ARHGEF4: variants seen among roughly 807,000 people sequenced by gnomAD.
ARHGEF4 encodes the protein APC-stimulated guanine nucleotide exchange factor 1.
A neutral mutation model predicts 162.0 loss-of-function variants in ARHGEF4; 119 were observed. That is an observed-to-expected ratio of 0.73 (90% CI 0.63 to 0.86). ARHGEF4 has a LOEUF of 0.86. Ranked by LOEUF, ARHGEF4 falls within the 40% of genes least tolerant of loss-of-function variation. The probability of loss-of-function intolerance (pLI) is 0.00; values close to 1 mark genes in which losing one functional copy is unlikely to be tolerated. For missense variants in ARHGEF4, 2,488 were observed against 2,456.0 expected (o/e 1.01, Z -0.28); for synonymous variants, 1,014 against 979.9 (o/e 1.03, Z -0.65).
intron 4 of ARHGEF4, among the ~76,000 whole-genome samples, chr2:130,956,222 C>T (rs528928246): frequency 6.6e-6 from 1 of 152,222 alleles, no homozygotes; most frequent in East Asian, 1.9e-4. Flanking sequence ...TGAAAAAATG[C>T]TCATCATCAC....
In ARHGEF4 at chr2:131,035,952, C is replaced by G. The variant is rs543097330; in HGVS notation, c.4126-2901C>G. ...ACCTCAGAGGCACAGGAGGGGATCC[C>G]GCTCCCTGCCCTGGGCTATTTGAGT... On this transcript the variant is annotated intron_variant, in intron 5 of 13. Coordinates refer to ENST00000409359, the MANE Select transcript of ARHGEF4 (RefSeq NM_001367493.1). 6 of 758,230 alleles carry G rather than the reference C, an allele frequency of 7.9e-6. No homozygotes were observed. The Admixed American group carries it at 2.5e-4, about 32-fold the overall frequency. The allele number at this position is 758,230 out of a possible 1,614,324, so 47.0% of individuals were successfully genotyped here.
chr2:130,915,270 C>T lies in ARHGEF4; in HGVS notation c.1324C>T (p.Leu442Phe). The T allele has an allele frequency of 6.4e-7, 1 of 1,550,598 alleles. No homozygotes were observed. Among genetic ancestry groups the T allele is most frequent in the East Asian group, 2.4e-5 (1 of 40,914 alleles). The change falls in exon 2 of 14, where the codon CTC becomes TTC. Residue 442 changes from leucine to phenylalanine, a missense_variant. Coordinates refer to ENST00000409359, the MANE Select transcript of ARHGEF4 (RefSeq NM_001367493.1). The part of the protein sequence containing the change: ...DSRSCLVASC[L>F]TSELVKLSAE... ...CAGGTCATGTCTGGTGGCTTCATGC[C>T]TCACCTCAGAGTTAGTGAAGCTCAG...
chr2:130,941,066 G>A (rs1246037113), intron 3 of ARHGEF4, among the ~76,000 whole-genome samples: 1 of 152,042 alleles, frequency 6.6e-6, no homozygotes. Flanking sequence ...TGTAGAACAA[G>A]AAGGGAAGAC....
At position 130,937,730 on chromosome 2, in the gene ARHGEF4, C is replaced by T. The variant is rs543877589; in HGVS notation, c.3858+6473C>T. ...TCACCCAGACGGGAGTGCAGTGGTG[C>T]GATCTCGGCTCACTGCAAGCTCTGC... On this transcript the variant is annotated intron_variant, in intron 3 of 13. Transcript: ENST00000409359. Among the ~76,000 whole-genome samples the T allele has an allele frequency of 8.4e-4, 126 of 149,354 alleles. 4 individuals carry two copies. The highest frequency in any genetic ancestry group is 1.5e-3 in the South Asian group (7 of 4,730).
chr2:130,947,892 A>G (rs1683718432), intron 4 of ARHGEF4, among the ~76,000 whole-genome samples: 1 of 152,200 alleles, frequency 6.6e-6, no homozygotes, highest in Non-Finnish European at 1.5e-5. Context: ...CTAAAAGCTC[A>G]TGGCTGCTGG....
At position 131,028,032 on chromosome 2, in the gene ARHGEF4, G is replaced by A; in HGVS notation, c.4073G>A (p.Ser1358Asn). Residue 1358 changes from serine to asparagine, a missense_variant, in exon 5 of 14, where the codon AGC becomes AAC. Transcript: ENST00000409359. ...CTGTATGATGACCTGCACAGCTCCAGCCACCACTACAGCCACCCTGGAGGG... is the reference window on the plus strand; with the variant it reads ...CTGTATGATGACCTGCACAGCTCCAACCACCACTACAGCCACCCTGGAGGG... ...EDLYDDLHSS[S>N]HHYSHPGGGG... is the part of the protein sequence containing the mutation. The A allele has an allele frequency of 6.2e-7, 1 of 1,613,980 alleles. No homozygotes were observed. The highest frequency in any genetic ancestry group is 8.5e-7 in the Non-Finnish European group (1 of 1,180,022).
At chr2:131,033,263 G>A (rs1460867344) in intron 5 of ARHGEF4, among the ~76,000 whole-genome samples, 1 of 152,346 alleles carries the variant, frequency 6.6e-6, no homozygotes, top group East Asian at 1.9e-4. Context: ...GAGGCTGGGG[G>A]CCCCTAGGCA....
Position 130,914,681 on chromosome 2 carries a change from C to A in ARHGEF4, c.735C>A (p.His245Gln). The A allele has an allele frequency of 7.2e-7, 1 of 1,394,424 alleles. No individual in the cohort carries two copies. Among genetic ancestry groups the A allele is most frequent in the Non-Finnish European group, 9.3e-7 (1 of 1,080,904 alleles). 86.4% of individuals were successfully genotyped at this position (1,394,424 alleles called of 1,614,324 possible). Residue 245 changes from histidine to glutamine, a missense_variant, in exon 2 of 14, where the codon CAC (histidine) becomes CAA (glutamine). His to Gln is a conservative substitution (Grantham distance 24). Around this residue, in one of 6 missense-constraint regions of ARHGEF4, gnomAD observed 1,642 missense variants for 1,481.5 expected, o/e 1.11. Transcript: ENST00000409359. ...CELGRSWPHIHNRARALVLPS... is the reference protein window; with the variant it reads ...CELGRSWPHIQNRARALVLPS... Reference sequence around the variant, plus strand: ...TGGGTCGGAGTTGGCCACATATCCACAACAGGGCCAGGGCACTGGTGCTAC... The same window carrying A: ...TGGGTCGGAGTTGGCCACATATCCAAAACAGGGCCAGGGCACTGGTGCTAC...
intron 3 of ARHGEF4, among the ~76,000 whole-genome samples, chr2:130,943,678 C>T (rs1008819128): frequency 1.3e-5 from 2 of 152,122 alleles, no homozygotes; most frequent in African/African-American, 2.4e-5. Context: ...TTTCCCACTT[C>T]GAGTGGAAGG....
chr2:130,932,969 C>T (rs1258679832), intron 3 of ARHGEF4, among the ~76,000 whole-genome samples: 1 of 152,172 alleles, frequency 6.6e-6, no homozygotes, highest in Non-Finnish European at 1.5e-5. Flanking sequence ...GTAATCCCAG[C>T]ACTTGGGGAA....
Position 130,964,136 on chromosome 2 carries a change from G to A in ARHGEF4, c.3985+17501G>A, listed in dbSNP as rs556720293. The A allele has an allele frequency of 4.1e-6, 4 of 981,474 alleles. No homozygotes were observed. The South Asian group carries it at 1.9e-4, about 46-fold the overall frequency. 60.8% of individuals were successfully genotyped at this position (981,474 alleles called of 1,614,324 possible). A position where few individuals can be genotyped will look rare whatever the true frequency, so the allele number is the denominator to read the frequency against. ...AGCAGCAGCGCCGGGCTGTCCCCGG[G>A]CTCCGACTCGGACAGCAGCGGCGTG... On this transcript the variant is annotated intron_variant, in intron 4 of 13. Coordinates refer to ENST00000409359, the MANE Select transcript of ARHGEF4 (RefSeq NM_001367493.1).
In ARHGEF4 at chr2:130,850,971, C is replaced by T. The variant is rs540387177; in HGVS notation, c.39+13979C>T. ...CCCTCGGTATAGCCTGGGCAGCCCC[C>T]GAGTTCCGACTTTGGGCCGTTCACT... On this transcript the variant is annotated intron_variant, in intron 1 of 13. Transcript: ENST00000409359. Among the ~76,000 whole-genome samples the T allele has an allele frequency of 7.9e-5, 12 of 152,350 alleles. No homozygotes were observed. In the East Asian group the frequency reaches 9.7e-4, roughly 12 times the overall value.
At position 130,836,981 on chromosome 2, in the gene ARHGEF4, A is replaced by C. The variant is rs1028765104; in HGVS notation, c.28A>C (p.Ser10Arg). The C allele has an allele frequency of 2.4e-6, 3 of 1,226,554 alleles. No individual in the cohort carries two copies. Among genetic ancestry groups the C allele is most frequent in the Non-Finnish European group, 3.0e-6 (3 of 984,780 alleles). 76.0% of individuals were successfully genotyped at this position (1,226,554 alleles called of 1,614,324 possible). Residue 10 changes from serine (S) to arginine (R), a missense_variant, in exon 1 of 14, where the codon AGC becomes CGC. Physicochemically the swap from Ser to Arg is moderately radical, Grantham distance 110. Transcript: ENST00000409359. Reference sequence around the variant, plus strand: ...GCTCAGCGTCGTGCACTTCCTCCGGAGCTTCTTCAAGGTGAGAGCCGGCGT... The same window carrying C: ...GCTCAGCGTCGTGCACTTCCTCCGGCGCTTCTTCAAGGTGAGAGCCGGCGT... MLSVVHFLR[S>R]FFKTPEPGAH...
At chr2:130,871,476 C>T (rs923477985) in intron 1 of ARHGEF4, among the ~76,000 whole-genome samples, 30 of 151,628 alleles carry the variant, frequency 2.0e-4, no homozygotes, top group African/African-American at 6.5e-4. Flanking sequence ...GCAGAGGTTG[C>T]GGTAAGCCAA....
intron 4 of ARHGEF4, among the ~76,000 whole-genome samples, chr2:130,968,763 C>G (rs1223620164): frequency 6.6e-6 from 1 of 151,950 alleles, no homozygotes; most frequent in Non-Finnish European, 1.5e-5. Context: ...ACTAAAAATA[C>G]AAAAATTAGC....
intron 4 of ARHGEF4, among the ~76,000 whole-genome samples, chr2:130,962,822 G>A (rs530830019): frequency 2.5e-4 from 38 of 152,168 alleles, no homozygotes; most frequent in Admixed American, 9.8e-4. Flanking sequence ...GGCGGGGAGG[G>A]GGGCAGTAAG....
intron 2 of ARHGEF4, among the ~76,000 whole-genome samples, chr2:130,926,434 T>C (rs1361845076): frequency 6.6e-6 from 1 of 152,214 alleles, no homozygotes; most frequent in African/African-American, 2.4e-5. Context: ...AGTTGAGATT[T>C]TCCCTGTTCT....
At chr2:130,991,231 G>A (rs1343366204) in intron 4 of ARHGEF4, among the ~76,000 whole-genome samples, 1 of 152,218 alleles carries the variant, frequency 6.6e-6, no homozygotes, top group Admixed American at 6.5e-5. Context: ...CCCACCAAAG[G>A]ATACTAGACC....
chr2:131,011,754 T>C (rs1195811232), intron 4 of ARHGEF4: 2 of 1,039,084 alleles, frequency 1.9e-6, no homozygotes, highest in Non-Finnish European at 2.9e-6. Flanking sequence ...ACTGTCACTC[T>C]GAAGCAGCTC....
Sources: allele counts gnomAD v4.1 joint callset (sites outside exome capture counted in the v4.1 genomes callset), GRCh38; gene constraint gnomAD v4.1.1; regional missense constraint gnomAD v4.1.1; transcripts MANE v1.5; gene names NCBI Gene and HGNC (gene_info 2026-07-23, HGNC 2026-07-21).